PREX2: variants seen among roughly 807,000 people sequenced by gnomAD.
PREX2 encodes the protein phosphatidylinositol 3,4,5-trisphosphate-dependent Rac exchanger 2 protein.
A neutral mutation model predicts 203.2 loss-of-function variants in PREX2; 107 were observed. That is an observed-to-expected ratio of 0.53 (90% CI 0.45 to 0.62). PREX2 has a LOEUF of 0.62. Among genes scored for constraint, PREX2 ranks in the 20% least tolerant of loss-of-function variants. PREX2 has a pLI of 0.00. For missense variants in PREX2, 1,777 were observed against 1,955.9 expected (o/e 0.91, Z 1.72); for synonymous variants, 672 against 663.6 (o/e 1.01, Z -0.19).
At chr8:68,105,031 T>A in intron 23 of PREX2, 1 of 804,964 alleles carries the variant, frequency 1.2e-6, no homozygotes, top group Non-Finnish European at 1.8e-6. Context: ...TCCTTTGATG[T>A]TGCTAAAAAG....
intron 37 of PREX2, among the ~76,000 whole-genome samples, chr8:68,206,390 G>C (rs1211344304): frequency 6.6e-6 from 1 of 152,128 alleles, no homozygotes. Context: ...GAAATATGAA[G>C]CACATCTGTT....
At chr8:67,989,794 A>G (rs1025697361) in intron 1 of PREX2, among the ~76,000 whole-genome samples, 12 of 152,226 alleles carry the variant, frequency 7.9e-5, no homozygotes, top group African/African-American at 2.9e-4. Context: ...ATTTAAAATA[A>G]CCTGTCTAGA....
intron 25 of PREX2, among the ~76,000 whole-genome samples, chr8:68,109,871 A>G (rs1270574741): frequency 6.6e-6 from 1 of 152,208 alleles, no homozygotes; most frequent in Non-Finnish European, 1.5e-5. Flanking sequence ...ATACAAGGAT[A>G]CTAAATGAGT....
intron 26 of PREX2, among the ~76,000 whole-genome samples, chr8:68,116,597 G>A (rs913813473): frequency 1.3e-5 from 2 of 152,132 alleles, no homozygotes; most frequent in Non-Finnish European, 2.9e-5. Flanking sequence ...GCTCCTTGAC[G>A]CGTAAACGGC....
chr8:68,087,573 A>G (rs1459189507), intron 18 of PREX2, 151 bp from the exon 19 acceptor site: 1 of 661,938 alleles, frequency 1.5e-6, no homozygotes, highest in South Asian at 1.7e-5. Context: ...GTTGGGGACC[A>G]TGTTCGTCTC....
In PREX2 at chr8:68,042,412, G is replaced by T. The variant is rs541612516; in HGVS notation, c.840-2075G>T. Among the ~76,000 whole-genome samples, 618 of 152,052 alleles carry T rather than the reference G, an allele frequency of 4.1e-3. 1 individual carries two copies. The highest frequency in any genetic ancestry group is 6.1e-3 in the Non-Finnish European group (417 of 67,936). On this transcript the variant is annotated intron_variant, in intron 7 of 39. Transcript: ENST00000288368. ...GAGTTTTAAAAAATAGTATCATAGC[G>T]TTTTTAGTTTCTTGCAATTTATAAT...
At chr8:68,093,527 T>G (rs2129612303) in intron 20 of PREX2, 78 bp from the exon 21 acceptor site, 1 of 595,072 alleles carries the variant, frequency 1.7e-6, no homozygotes, top group East Asian at 2.7e-5. Flanking sequence ...GAGGAATAAA[T>G]AAGGCCAAGT....
At chr8:68,155,671 G>A (rs1414618312) in intron 34 of PREX2, among the ~76,000 whole-genome samples, 1 of 152,140 alleles carries the variant, frequency 6.6e-6, no homozygotes, top group Non-Finnish European at 1.5e-5. Context: ...AAGTAGTGAT[G>A]CATTTCAAGG....
chr8:68,127,513 T>C, intron 31 of PREX2, 94 bp downstream of exon 31: 1 of 798,118 alleles, frequency 1.3e-6, no homozygotes, highest in Non-Finnish European at 2.1e-6. Flanking sequence ...CCTTCAACCA[T>C]TTACAAAATA....
At chr8:68,105,119 T>C in intron 23 of PREX2, 1 of 1,366,674 alleles carries the variant, frequency 7.3e-7, no homozygotes, top group South Asian at 1.1e-5. Flanking sequence ...ATTCAAGAAC[T>C]GTACCTTCCA....
rs551913191 is a variant in PREX2 at position 68,231,192 on chromosome 8, G to A, written c.4776-141G>A. 2.2e-3 allele frequency: 1,235 copies of A among 549,400 alleles called. 5 individuals carry two copies. The highest frequency in any genetic ancestry group is 3.2e-3 in the Non-Finnish European group (1,084 of 342,582). The allele number at this position is 549,400 out of a possible 1,614,324, so 34.0% of individuals were successfully genotyped here. ...ATTTTTGGAGTTTGCCAATTCATAT[G>A]TTATTTTTAGTGAAATAGACAATCC... On this transcript the variant is annotated intron_variant, in intron 39 of 39. Coordinates refer to ENST00000288368, the MANE Select transcript of PREX2 (RefSeq NM_024870.4).
At chr8:68,143,965 T>C (rs1002389456) in intron 33 of PREX2, among the ~76,000 whole-genome samples, 7 of 152,192 alleles carry the variant, frequency 4.6e-5, no homozygotes, top group African/African-American at 1.4e-4. Context: ...TCCATTGTAT[T>C]ATCTTTGCTC....
intron 35 of PREX2, among the ~76,000 whole-genome samples, chr8:68,164,089 G>C (rs975525986): frequency 6.6e-6 from 1 of 152,054 alleles, no homozygotes; most frequent in African/African-American, 2.4e-5. Context: ...CCCAAAAAAG[G>C]GGTCAGTGGC....
intron 8 of PREX2, among the ~76,000 whole-genome samples, chr8:68,045,874 A>C (rs1808338966): frequency 6.6e-6 from 1 of 152,130 alleles, no homozygotes; most frequent in East Asian, 1.9e-4. Context: ...ACAAGGTAGC[A>C]GTAATTTATT....
chr8:68,044,544 G>C lies in PREX2; in HGVS notation c.897G>C (p.Arg299=). 1 of 1,613,166 alleles carries C rather than the reference G, an allele frequency of 6.2e-7. No homozygotes were observed. Among genetic ancestry groups the C allele is most frequent in the Middle Eastern group, 1.7e-4 (1 of 6,052 alleles). The part of the protein sequence containing the change: ...TDGHRYLFRG[R]INTEVMEVEN... The stretch of plus-strand genomic sequence containing the variant: ...GACATCGGTACCTTTTTCGTGGCCG[G>C]ATCAACACGGAGGTGATGGAAGTGG... Residue 299 remains arginine, a synonymous_variant, in exon 8 of 40, where the codon CGG becomes CGC. Coordinates refer to ENST00000288368, the MANE Select transcript of PREX2 (RefSeq NM_024870.4).
At chr8:68,142,977 T>C (rs1436938009) in intron 33 of PREX2, among the ~76,000 whole-genome samples, 1 of 152,204 alleles carries the variant, frequency 6.6e-6, no homozygotes, top group African/African-American at 2.4e-5. Flanking sequence ...TTCTGGATTT[T>C]GGCCCCTCTA....
In PREX2 at chr8:68,152,289, G is replaced by GAAAAAAAAAA. The variant is rs573525316; in HGVS notation, c.4232-5021_4232-5012dup. Among the ~76,000 whole-genome samples, 162 of 72,792 alleles carry GAAAAAAAAAA rather than the reference G, an allele frequency of 2.2e-3. 5 individuals carry two copies. The highest frequency in any genetic ancestry group is 2.6e-3 in the Non-Finnish European group (108 of 41,752). 47.8% of individuals were successfully genotyped at this position (72,792 alleles called of 152,430 possible). On this transcript the variant is annotated intron_variant, in intron 34 of 39. Transcript: ENST00000288368. ...CGACAGAGCGAGACTCCCTCTCAGAGAAAAAAAAAAAAAAAAAAAAAGATA... is the reference window on the plus strand; with the variant it reads ...CGACAGAGCGAGACTCCCTCTCAGAGAAAAAAAAAAAAAAAAAAAAAAAAAAAAAAAGATA...
At chr8:67,961,401 C>T (rs1427114387) in intron 1 of PREX2, among the ~76,000 whole-genome samples, 3 of 151,786 alleles carry the variant, frequency 2.0e-5, no homozygotes, top group South Asian at 2.1e-4. Flanking sequence ...ATGTTAAAAT[C>T]AAGATCTTTG....
intron 34 of PREX2, among the ~76,000 whole-genome samples, chr8:68,146,834 A>C (rs182298371): frequency 6.6e-6 from 1 of 152,274 alleles, no homozygotes; most frequent in African/African-American, 2.4e-5. Context: ...TCTTTATGTC[A>C]ACTTTTCTTT....
Sources: gnomAD v4.1 joint callset for allele counts (sites outside exome capture counted in the v4.1 genomes callset) on GRCh38, gnomAD v4.1.1 for gene constraint, MANE v1.5 for transcripts, NCBI Gene and HGNC (gene_info 2026-07-23, HGNC 2026-07-21) for gene names.